The following URB1 variants were observed in gnomAD, a reference collection of about 807,000 sequenced individuals.
URB1 encodes nucleolar pre-ribosomal-associated protein 1.
Under a neutral mutation model 242.3 loss-of-function variants are expected in URB1, and 197 were observed. The observed-to-expected ratio is 0.81, with a 90% CI of 0.72 to 0.91. The LOEUF (loss-of-function observed/expected upper bound fraction) is 0.91. Among genes scored for constraint, URB1 ranks in the 40% least tolerant of loss-of-function variants. The pLI, the probability that URB1 is intolerant of heterozygous loss-of-function variation, is 0.00. For synonymous variants in URB1, 1,153 were observed against 1,201.8 expected, an observed-to-expected ratio of 0.96 and a Z score of 0.84; for missense variants, 2,721 against 2,860.5, an observed-to-expected ratio of 0.95 and a Z score of 1.11.
chr21:32,331,228 T>A (rs999102558), intron 30 of URB1, among the ~76,000 whole-genome samples: 2 of 152,052 alleles, frequency 1.3e-5, no homozygotes, highest in Admixed American at 6.5e-5. Flanking sequence ...TAGGAAAACA[T>A]GAGGAACTGC....
chr21:32,315,245 C>T (rs2032664171), intron 38 of URB1, 146 bp from the exon 39 acceptor site: 4 of 560,260 alleles, frequency 7.1e-6, no homozygotes, highest in Non-Finnish European at 1.1e-5. Flanking sequence ...CACACCGATA[C>T]AACAACTCAC....
Position 32,383,472 on chromosome 21 carries a change from C to G in URB1, c.517G>C (p.Asp173His). ...EAARDVCSHF[D>H]LNKKTLYTLV... ...GTGTACAGGGTCTTTTTATTCAAAT[C>G]AAAATGGCTGCAGACGTCCCTGGCA... Residue 173 changes from aspartate (D) to histidine (H), a missense_variant, in exon 4 of 39, where the codon GAT becomes CAT. Coordinates refer to ENST00000382751, the MANE Select transcript of URB1 (RefSeq NM_014825.3). The G allele has an allele frequency of 6.4e-7, 1 of 1,551,542 alleles. No individual in the cohort carries two copies. The highest frequency in any genetic ancestry group is 1.2e-5 in the South Asian group (1 of 84,038).
chr21:32,361,156 GAAAAAAGAAAGAAAGA>G lies in URB1; in HGVS notation c.1640-49_1640-34del, dbSNP rs1373757047. 21 of 381,642 alleles carry G rather than the reference GAAAAAAGAAAGAAAGA, an allele frequency of 5.5e-5. No homozygotes were observed. The African/African-American group carries it at 7.1e-4, about 13-fold the overall frequency. The allele number at this position is 381,642 out of a possible 1,614,324, so 23.6% of individuals were successfully genotyped here. A position where few individuals can be genotyped will look rare whatever the true frequency, so the allele number is the denominator to read the frequency against. ...AAAAAAAGAAAAAGAAAGAAAAAGAGAAAAAAGAAAGAAAGAAAGAAAGAAAGAAAGAAAGAAAGAA... is the reference window on the plus strand; with the variant it reads ...AAAAAAAGAAAAAGAAAGAAAAAGAGAAGAAAGAAAGAAAGAAAGAAAGAA... On this transcript the variant is annotated intron_variant, in intron 12 of 38. Coordinates refer to ENST00000382751, the MANE Select transcript of URB1 (RefSeq NM_014825.3).
At chr21:32,361,841 G>A (rs2033291335) in intron 12 of URB1, 51 bp downstream of exon 12, 1 of 1,539,378 alleles carries the variant, frequency 6.5e-7, no homozygotes, top group South Asian at 1.2e-5. Flanking sequence ...GCCAGTGTCA[G>A]CTCTGTCCCA....
In URB1 at chr21:32,385,560, T is replaced by C. The variant is rs1401253536; in HGVS notation, c.267A>G (p.Lys89=). 2 of 1,552,022 alleles carry C rather than the reference T, an allele frequency of 1.3e-6. No individual in the cohort carries two copies. The highest frequency in any genetic ancestry group is 1.7e-6 in the Non-Finnish European group (2 of 1,147,082). ...AACAACTTACTTCACTTTCAGGTCG[T>C]TTCTCTCCACTTAGGAGCTGGAAAA... ...VEIFQLLSGE[K]RPESETMLIF... The change falls in exon 2 of 39, where the codon AAA becomes AAG. Residue 89 remains lysine, a synonymous_variant. Coordinates refer to ENST00000382751, the MANE Select transcript of URB1 (RefSeq NM_014825.3).
At position 32,312,347 on chromosome 21, in the gene URB1, T is replaced by C. The variant is rs1342929478; in HGVS notation, c.*2571A>G. On this transcript the variant is annotated 3_prime_UTR_variant, in exon 39 of 39. Coordinates refer to ENST00000382751, the MANE Select transcript of URB1 (RefSeq NM_014825.3). ...TTTACCATTACTGTGTAATGCGTTA[T>C]CAGCCCTGAGTTCACCTGGTCCTTC... The C allele has an allele frequency of 5.8e-6, 7 of 1,208,714 alleles. No individual in the cohort carries two copies. Among genetic ancestry groups the C allele is most frequent in the Non-Finnish European group, 2.1e-6 (2 of 956,144 alleles). The allele number at this position is 1,208,714 out of a possible 1,614,324, so 74.9% of individuals were successfully genotyped here.
intron 24 of URB1, among the ~76,000 whole-genome samples, chr21:32,341,961 GA>G (rs1315889227): frequency 2.0e-5 from 3 of 152,210 alleles, no homozygotes; most frequent in African/African-American, 7.2e-5. Flanking sequence ...CATGTAATAT[GA>G]AATTACACTT....
intron 33 of URB1, 150 bp from the exon 34 acceptor site, chr21:32,322,094 A>C: frequency 3.9e-4 from 357 of 908,126 alleles, no homozygotes; most frequent in Non-Finnish European, 4.9e-4. Context: ...CCCTGATCTC[A>C]TCTTTGATTC....
chr21:32,351,836 T>G (rs1188809718), intron 19 of URB1, among the ~76,000 whole-genome samples: 1 of 152,110 alleles, frequency 6.6e-6, no homozygotes, highest in East Asian at 1.9e-4. Flanking sequence ...GTGGCAACAT[T>G]ATGGGTCAGG....
At chr21:32,321,678 G>A in intron 34 of URB1, 123 bp downstream of exon 34, 1 of 1,405,562 alleles carries the variant, frequency 7.1e-7, no homozygotes, top group Admixed American at 2.2e-5. Flanking sequence ...CTAACTGAGA[G>A]CCAGGGTTAG....
At chr21:32,381,605 T>G (rs1451320198) in intron 4 of URB1, among the ~76,000 whole-genome samples, 1 of 152,170 alleles carries the variant, frequency 6.6e-6, no homozygotes, top group Admixed American at 6.5e-5. Context: ...AATCACAAAG[T>G]GTAAAAACAT....
intron 18 of URB1, among the ~76,000 whole-genome samples, chr21:32,353,389 C>T (rs931247558): frequency 6.6e-6 from 1 of 152,176 alleles, no homozygotes; most frequent in African/African-American, 2.4e-5. Flanking sequence ...CAGCCTGAAT[C>T]CCTGACCAAC....
chr21:32,363,161 T>C lies in URB1; in HGVS notation c.1504A>G (p.Ser502Gly). The C allele has an allele frequency of 6.4e-7, 1 of 1,551,570 alleles. No individual in the cohort carries two copies. Among genetic ancestry groups the C allele is most frequent in the African/African-American group, 1.4e-5 (1 of 73,154 alleles). Reference sequence around the variant, plus strand: ...AAACCCAGATCAGAGCCTACCTTGCTCAGGGCTTCTCTGAAGAGCTGCACG... The same window carrying C: ...AAACCCAGATCAGAGCCTACCTTGCCCAGGGCTTCTCTGAAGAGCTGCACG... ...EFVQLFREAL[S>G]KILPDLNTVV... Residue 502 changes from serine to glycine, a missense_variant, in exon 11 of 39, where the codon AGC becomes GGC. By Grantham distance (56) the Ser-to-Gly change is moderately conservative (BLOSUM62 0). Coordinates refer to ENST00000382751, the MANE Select transcript of URB1 (RefSeq NM_014825.3).
rs2032928376 is a variant in URB1 at position 32,334,189 on chromosome 21, G to T, written c.4831C>A (p.Gln1611Lys). The change falls in exon 29 of 39, where the codon CAG becomes AAG. Residue 1611 changes from glutamine (Q) to lysine (K), a missense_variant. By Grantham distance (53) the Gln-to-Lys change is moderately conservative. Coordinates refer to ENST00000382751, the MANE Select transcript of URB1 (RefSeq NM_014825.3). ...RMMQTILHFP[Q>K]NRRLLPPEDT... Reference sequence around the variant, plus strand: ...TCGGGGGGCAGCAGCCTCCGGTTCTGGGGGAAGTGCAGGATGGTCTGCATC... The same window carrying T: ...TCGGGGGGCAGCAGCCTCCGGTTCTTGGGGAAGTGCAGGATGGTCTGCATC... 2.6e-6 allele frequency: 4 copies of T among 1,549,284 alleles called. No homozygotes were observed. The African/African-American group carries it at 5.5e-5, about 21-fold the overall frequency.
intron 25 of URB1, among the ~76,000 whole-genome samples, chr21:32,340,746 A>G (rs2033020148): frequency 6.6e-6 from 1 of 152,188 alleles, no homozygotes; most frequent in South Asian, 2.1e-4. Flanking sequence ...CTGTAAGACT[A>G]TAATGGGAGA....
At chr21:32,329,418 G>A (rs1349784950) in intron 30 of URB1, among the ~76,000 whole-genome samples, 2 of 152,244 alleles carry the variant, frequency 1.3e-5, no homozygotes, top group Non-Finnish European at 2.9e-5. Context: ...AGTCAGAGGA[G>A]CCTGCGTGCT....
chr21:32,347,512 C>G lies in URB1; in HGVS notation c.3312G>C (p.Gln1104His), dbSNP rs1568818960. The change falls in exon 22 of 39, where the codon CAG becomes CAC. Residue 1104 changes from glutamine to histidine, a missense_variant. Physicochemically the swap from Gln to His is conservative, Grantham distance 24 (BLOSUM62 0). Transcript: ENST00000382751. ...GATGCAGCTCCTGCAGGGCCTCCAGCTGCGGCGGGGTCTTTGGTGGTGATG... is the reference window on the plus strand; with the variant it reads ...GATGCAGCTCCTGCAGGGCCTCCAGGTGCGGCGGGGTCTTTGGTGGTGATG... ...PATSPPKTPP[Q>H]LEALQELHPY... The G allele has an allele frequency of 6.4e-7, 1 of 1,551,348 alleles. No individual in the cohort carries two copies. The highest frequency in any genetic ancestry group is 8.7e-7 in the Non-Finnish European group (1 of 1,146,824).
In URB1 at chr21:32,349,496, G is replaced by A. The variant is rs1399315770; in HGVS notation, c.2833-13C>T. On this transcript the variant is annotated splice_polypyrimidine_tract_variant and intron_variant, in intron 20 of 38. Transcript: ENST00000382751. ...CACTTCTGCCCAGCTGTGAGGACAA[G>A]AGCACGAGCCTCAGCAGGGAAGAGA... 6.5e-7 allele frequency: 1 copy of A among 1,536,022 alleles called. No homozygotes were observed. The highest frequency in any genetic ancestry group is 1.2e-5 in the South Asian group (1 of 82,122).
chr21:32,340,941 G>C (rs2033022344), intron 25 of URB1, among the ~76,000 whole-genome samples: 2 of 151,944 alleles, frequency 1.3e-5, no homozygotes, highest in African/African-American at 4.8e-5. Context: ...AGATCTACAA[G>C]TATCAGTACG....
Sources: allele counts gnomAD v4.1 joint callset (sites outside exome capture counted in the v4.1 genomes callset), GRCh38; gene constraint gnomAD v4.1.1; transcripts MANE v1.5; gene names NCBI Gene and HGNC (gene_info 2026-07-23, HGNC 2026-07-21).